ASPSCR1: variants seen among roughly 807,000 people sequenced by gnomAD.
The protein encoded by ASPSCR1 is ASPSCR1 tether for SLC2A4, UBX domain containing.
Under a neutral mutation model 68.9 loss-of-function variants are expected in ASPSCR1, and 55 were observed. The observed-to-expected ratio is 0.80, with a 90% confidence interval of 0.64 to 1.00. The LOEUF (loss-of-function observed/expected upper bound fraction) is 1.00, where lower values mean the gene tolerates loss of function less well. Among genes scored for constraint, ASPSCR1 ranks in the 50% least tolerant of loss-of-function variants. The probability of loss-of-function intolerance (pLI) is 0.00; values close to 1 mark genes in which losing one functional copy is unlikely to be tolerated. For missense variants in ASPSCR1, 765 were observed against 762.2 expected, an observed-to-expected ratio of 1.00 and a Z score of -0.04; for synonymous variants, 352 against 332.6, an observed-to-expected ratio of 1.06 and a Z score of -0.63.
At chr17:81,994,585 G>A (rs1251469631) in intron 4 of ASPSCR1, among the ~76,000 whole-genome samples, 7 of 150,940 alleles carry the variant, frequency 4.6e-5, no homozygotes, top group African/African-American at 1.5e-4. Flanking sequence ...CCCAGGCCAC[G>A]CACCACAGGC....
rs1323806691 is a variant in ASPSCR1, at chr17:81,977,787, G to C, written c.102+39G>C. On this transcript the variant is annotated intron_variant, in intron 1 of 15. Transcript: ENST00000306739. This position sits in a 1 kb window ranked among gnomAD's most constrained non-coding sequence, Gnocchi z 5.0. ...CCCGGGGCGGACGGGTAGGCGGGCG[G>C]GGGGCGCTGCGCCGAGGCCCCGCCC... 1 of 1,205,520 alleles carries C rather than the reference G, an allele frequency of 8.3e-7. No individual in the cohort carries two copies. The highest frequency in any genetic ancestry group is 1.0e-6 in the Non-Finnish European group (1 of 969,352). The allele number at this position is 1,205,520 out of a possible 1,614,324, so 74.7% of individuals were successfully genotyped here.
chr17:81,984,868 AC>A (rs1322547237), intron 3 of ASPSCR1, among the ~76,000 whole-genome samples: 2 of 41,460 alleles, frequency 4.8e-5, no homozygotes, highest in African/African-American at 2.0e-4. Flanking sequence ...ACACCTGCAC[AC>A]CCCCGCACAC....
At position 81,999,908 on chromosome 17, in the gene ASPSCR1, C is replaced by G. The variant is rs1230327846; in HGVS notation, c.933+3062C>G. 2.6e-5 allele frequency among the ~76,000 whole-genome samples: 4 copies of G among 152,214 alleles called. No individual in the cohort carries two copies. Among genetic ancestry groups the G allele is most frequent in the Non-Finnish European group, 5.9e-5 (4 of 68,020 alleles). ...CGTCAGGGTCCAGCCCCTCTGTTTT[C>G]TGTCCCCCTGGCTGTCCTGGGACTG... On this transcript the variant is annotated intron_variant, in intron 7 of 15. Transcript: ENST00000306739. The surrounding 1 kb of genome is among the most constrained non-coding windows in gnomAD (Gnocchi z 4.4).
chr17:82,010,206 G>T (rs1567989690), intron 9 of ASPSCR1, among the ~76,000 whole-genome samples: 1 of 149,068 alleles, frequency 6.7e-6, no homozygotes, highest in Non-Finnish European at 1.5e-5. Flanking sequence ...ACAGGCTTGA[G>T]CCACCACACC....
intron 4 of ASPSCR1, among the ~76,000 whole-genome samples, chr17:81,992,699 G>A (rs1045290826): frequency 1.3e-5 from 2 of 152,234 alleles, no homozygotes; most frequent in African/African-American, 2.4e-5. Flanking sequence ...TTCTGCTCCG[G>A]CGCATTTTGA....
At chr17:82,002,853 C>T (rs879503727) in intron 7 of ASPSCR1, among the ~76,000 whole-genome samples, 7 of 151,942 alleles carry the variant, frequency 4.6e-5, no homozygotes, top group Admixed American at 2.0e-4. Context: ...CCACCGCGCC[C>T]GGCCTGTTTT....
rs1294013938 is a variant in ASPSCR1, at chr17:81,999,018, C to T, written c.933+2172C>T. Among the ~76,000 whole-genome samples the T allele has an allele frequency of 6.6e-6, 1 of 152,252 alleles. No homozygotes were observed. Among genetic ancestry groups the T allele is most frequent in the Non-Finnish European group, 1.5e-5 (1 of 68,040 alleles). On this transcript the variant is annotated intron_variant, in intron 7 of 15. Transcript: ENST00000306739. This position sits in a 1 kb window ranked among gnomAD's most constrained non-coding sequence, Gnocchi z 4.4. ...GCCCTGTGGCTGACTTTTCCTTTGTCCCTGTCCTGACCCCGCATCAGAGCC... is the reference window on the plus strand; with the variant it reads ...GCCCTGTGGCTGACTTTTCCTTTGTTCCTGTCCTGACCCCGCATCAGAGCC...
chr17:81,982,313 G>A, intron 2 of ASPSCR1, among the ~76,000 whole-genome samples: 1 of 152,266 alleles, frequency 6.6e-6, no homozygotes, highest in East Asian at 1.9e-4. Context: ...CTGTGTGGTG[G>A]TGTCTGGTGG....
intron 4 of ASPSCR1, 44 bp downstream of exon 4, chr17:81,985,651 G>T: frequency 6.3e-7 from 1 of 1,575,044 alleles, no homozygotes. Context: ...CCTGTTTGCT[G>T]GGGAAGCTGC....
At chr17:81,991,729 G>T (rs557702954) in intron 4 of ASPSCR1, among the ~76,000 whole-genome samples, 1 of 152,362 alleles carries the variant, frequency 6.6e-6, no homozygotes, top group African/African-American at 2.4e-5. Flanking sequence ...GGTGGGTGAT[G>T]CCCTCTGCGG....
chr17:82,015,068 T>A (rs913118427), intron 12 of ASPSCR1: 67 of 1,595,314 alleles, frequency 4.2e-5, no homozygotes, highest in Middle Eastern at 1.6e-4. Flanking sequence ...CCACTTTCCC[T>A]TTCCAGCCCC....
In ASPSCR1 at chr17:81,999,287, G is replaced by A. The variant is rs2042452228; in HGVS notation, c.933+2441G>A. On this transcript the variant is annotated intron_variant, in intron 7 of 15. Coordinates refer to ENST00000306739, the MANE Select transcript of ASPSCR1 (RefSeq NM_024083.4). The surrounding 1 kb of genome is among the most constrained non-coding windows in gnomAD (Gnocchi z 4.4). ...TCTTGAGCTCCTGCTGACGTAGTGG[G>A]CCTGGAAGGCCCCCATGCCTCCATC... 6.6e-6 allele frequency among the ~76,000 whole-genome samples: 1 copy of A among 152,212 alleles called. No individual in the cohort carries two copies. Among genetic ancestry groups the A allele is most frequent in the Non-Finnish European group, 1.5e-5 (1 of 68,036 alleles).
At chr17:82,002,069 A>T (rs1187936959) in intron 7 of ASPSCR1, among the ~76,000 whole-genome samples, 1 of 133,066 alleles carries the variant, frequency 7.5e-6, no homozygotes, top group South Asian at 2.3e-4. Flanking sequence ...GTGCAGGGGC[A>T]CAATTACGGC....
At chr17:81,995,671 G>A (rs1306750297) in intron 5 of ASPSCR1, 1 of 530,116 alleles carries the variant, frequency 1.9e-6, no homozygotes, top group East Asian at 3.4e-5. Flanking sequence ...TCCGGGCAGT[G>A]GGTCCTGGCA....
intron 4 of ASPSCR1, among the ~76,000 whole-genome samples, chr17:81,992,222 C>T (rs1282263959): frequency 6.6e-6 from 1 of 152,210 alleles, no homozygotes; most frequent in Non-Finnish European, 1.5e-5. Context: ...GACATTGGGA[C>T]TTGCAGAGGT....
chr17:82,017,345 A>G lies in ASPSCR1; in HGVS notation c.*23A>G, dbSNP rs114077868. 6,193 of 1,603,012 alleles carry G rather than the reference A, an allele frequency of 3.9e-3. 213 individuals carry two copies. The African/African-American group carries it at 0.074, about 19-fold the overall frequency. On this transcript the variant is annotated 3_prime_UTR_variant, in exon 16 of 16. Coordinates refer to ENST00000306739, the MANE Select transcript of ASPSCR1 (RefSeq NM_024083.4). Reference sequence around the variant, plus strand: ...TGAGAGCTGCCAGCCTGAGGTGCCCACTCCGCCAGCCACAGGACCACCTCC... The same window carrying G: ...TGAGAGCTGCCAGCCTGAGGTGCCCGCTCCGCCAGCCACAGGACCACCTCC...
chr17:82,003,793 G>A (rs2042615321), intron 7 of ASPSCR1, among the ~76,000 whole-genome samples: 1 of 152,268 alleles, frequency 6.6e-6, no homozygotes, highest in South Asian at 2.1e-4. Flanking sequence ...CTCTCCTGCT[G>A]TGCACGTCCC....
intron 5 of ASPSCR1, among the ~76,000 whole-genome samples, 169 bp from the exon 6 acceptor site, chr17:81,995,823 G>A (rs767061864): frequency 2.0e-5 from 3 of 152,206 alleles, no homozygotes; most frequent in Non-Finnish European, 4.4e-5. Context: ...ACTCAAGCTG[G>A]GCCTTGTGGA....
intron 10 of ASPSCR1, 106 bp from the exon 11 acceptor site, chr17:82,011,437 C>A: frequency 9.0e-7 from 1 of 1,106,004 alleles, no homozygotes; most frequent in Non-Finnish European, 1.3e-6. Flanking sequence ...AATTCCCACC[C>A]CTCGGGGAAA....
Sources: gnomAD v4.1 joint callset for allele counts (sites outside exome capture counted in the v4.1 genomes callset) on GRCh38, gnomAD v4.1.1 for gene constraint, Gnocchi (gnomAD v3.1) non-coding constraint, MANE v1.5 for transcripts, NCBI Gene and HGNC (gene_info 2026-07-23, HGNC 2026-07-21) for gene names.